GART: variants seen among roughly 807,000 people sequenced by gnomAD.
GART encodes phosphoribosylglycinamide formyltransferase, phosphoribosylglycinamide synthetase, phosphoribosylaminoimidazole synthetase, also known as trifunctional purine biosynthetic protein adenosine-3.
Under a neutral mutation model 107.2 loss-of-function variants are expected in GART, and 43 were observed. The ratio of observed to expected loss-of-function variants is 0.40; its 90% CI spans 0.31 to 0.52. The LOEUF (loss-of-function observed/expected upper bound fraction) is 0.52. GART is among the 20% of genes least tolerant of loss of function. GART has a pLI of 0.52. For synonymous variants in GART, 434 were observed against 427.0 expected, an observed-to-expected ratio of 1.02 and a Z score of -0.20; for missense variants, 1,107 against 1,206.5, an observed-to-expected ratio of 0.92 and a Z score of 1.22.
chr21:33,539,433 CTGTACCCCCAGCATT>C, intron 1 of GART, 77 bp from the exon 2 acceptor site: 1 of 1,111,534 alleles, frequency 9.0e-7, no homozygotes. Context: ...TGGCTCATGC[CTGTACCCCCAGCATT>C]TTGGGAGGCC....
upstream of GART, chr21:33,542,785 A>G (rs1226876883): frequency 2.3e-6 from 1 of 442,538 alleles, no homozygotes; most frequent in Admixed American, 3.6e-5. Context: ...GGGACTGACA[A>G]CTTATGCGGA....
At chr21:33,514,529 T>A (rs950158870) in intron 16 of GART, among the ~76,000 whole-genome samples, 5 of 152,188 alleles carry the variant, frequency 3.3e-5, no homozygotes, top group African/African-American at 1.2e-4. Flanking sequence ...AAACAGCCAT[T>A]TTTAAAGCAG....
chr21:33,516,976 T>G lies in GART; in HGVS notation c.2107+13A>C. Reference sequence around the variant, plus strand: ...GCAATTTTCTGAACAGAAGTTCGTTTTAGTGATCTTACCTAAATCTACCCC... The same window carrying G: ...GCAATTTTCTGAACAGAAGTTCGTTGTAGTGATCTTACCTAAATCTACCCC... On this transcript the variant is annotated intron_variant, in intron 16 of 21. Transcript: ENST00000381815. 1.9e-6 allele frequency: 3 copies of G among 1,583,076 alleles called. No individual in the cohort carries two copies. The highest frequency in any genetic ancestry group is 2.6e-6 in the Non-Finnish European group (3 of 1,170,720).
intron 20 of GART, among the ~76,000 whole-genome samples, chr21:33,505,183 T>C (rs2084657213): frequency 6.6e-6 from 1 of 152,188 alleles, no homozygotes; most frequent in African/African-American, 2.4e-5. Flanking sequence ...ACTCTTCATT[T>C]TGGGATATAC....
Position 33,515,789 on chromosome 21 carries a change from A to G in GART, c.2107+1200T>C, listed in dbSNP as rs527580787. ...TACCAGTATGTTTCTTCAAACAGAAATCTCTACCCACTGTCTCCACAACTC... is the reference window on the plus strand; with the variant it reads ...TACCAGTATGTTTCTTCAAACAGAAGTCTCTACCCACTGTCTCCACAACTC... On this transcript the variant is annotated intron_variant, in intron 16 of 21. Transcript: ENST00000381815. 3.3e-4 allele frequency among the ~76,000 whole-genome samples: 50 copies of G among 152,138 alleles called. No homozygotes were observed. The South Asian group carries it at 0.01, about 32-fold the overall frequency.
chr21:33,523,093 G>A (rs564247477), intron 11 of GART, among the ~76,000 whole-genome samples: 114 of 152,274 alleles, frequency 7.5e-4, no homozygotes, highest in African/African-American at 2.7e-3. Flanking sequence ...ACAAGTCGGA[G>A]CAGTACATTT....
chr21:33,524,410 G>T (rs1449798793), intron 11 of GART: 2 of 600,920 alleles, frequency 3.3e-6, no homozygotes. Flanking sequence ...AATTAGCCAG[G>T]TGTGGTGGCC....
intron 16 of GART, among the ~76,000 whole-genome samples, chr21:33,512,152 C>A (rs536150586): frequency 6.6e-6 from 1 of 151,580 alleles, no homozygotes; most frequent in Non-Finnish European, 1.5e-5. Context: ...GGCGTGGTGG[C>A]GCACACCTGT....
intron 4 of GART, among the ~76,000 whole-genome samples, chr21:33,533,219 C>A (rs549416303): frequency 3.9e-4 from 59 of 151,956 alleles, no homozygotes; most frequent in African/African-American, 1.4e-3. Flanking sequence ...GCGGGCGGAT[C>A]ACGAGGTCAG....
At chr21:33,511,050 T>G (rs1421831631) in intron 17 of GART, among the ~76,000 whole-genome samples, 1 of 152,136 alleles carries the variant, frequency 6.6e-6, no homozygotes, top group African/African-American at 2.4e-5. Flanking sequence ...TGTGCATGCA[T>G]GAATGCTTAG....
rs371293602 is a variant in GART, at chr21:33,530,852, G to C, written c.630C>G (p.Ala210=). The change falls in exon 7 of 22, where the codon GCC becomes GCG. Residue 210 remains alanine, a synonymous_variant. Coordinates refer to ENST00000381815, the MANE Select transcript of GART (RefSeq NM_000819.5). ...TATGGTCCTGTGCTGGGGGCATGGG[G>C]GCCACAGTCTTGCCATCAGTGAAAC... ...CLCFTDGKTV[A]PMPPAQDHKR... is the part of the protein sequence containing the mutation. 2 of 1,528,002 alleles carry C rather than the reference G, an allele frequency of 1.3e-6. No homozygotes were observed. Among genetic ancestry groups the C allele is most frequent in the Non-Finnish European group, 1.7e-6 (2 of 1,148,914 alleles). 94.7% of individuals were successfully genotyped at this position (1,528,002 alleles called of 1,614,324 possible). A position where few individuals can be genotyped will look rare whatever the true frequency, so the allele number is the denominator to read the frequency against.
intron 14 of GART, chr21:33,518,963 A>G (rs1164267672): frequency 2.5e-6 from 1 of 403,316 alleles, no homozygotes; most frequent in Non-Finnish European, 4.9e-6. Flanking sequence ...TCTGGTCTTC[A>G]TTTGTAAACA....
chr21:33,530,760 T>C lies in GART; in HGVS notation c.722A>G (p.Gln241Arg), dbSNP rs2085170588. ...GGMGAYCPAP[Q>R]VSNDLLLKIK... Reference sequence around the variant, plus strand: ...TTCAGCAGAGTCTTCGGGAAGTACCTGAGGGGCTGGACAATAGGCTCCCAT... The same window carrying C: ...TTCAGCAGAGTCTTCGGGAAGTACCCGAGGGGCTGGACAATAGGCTCCCAT... The change falls in exon 7 of 22, where the codon CAG becomes CGG. Residue 241 changes from glutamine (Q) to arginine (R), a missense_variant and splice_region_variant. By Grantham distance (43) the Gln-to-Arg change is conservative. Transcript: ENST00000381815. The C allele has an allele frequency of 6.8e-7, 1 of 1,468,004 alleles. No individual in the cohort carries two copies. Among genetic ancestry groups the C allele is most frequent in the Non-Finnish European group, 9.0e-7 (1 of 1,111,794 alleles). 90.9% of individuals were successfully genotyped at this position (1,468,004 alleles called of 1,614,324 possible).
At chr21:33,539,424 G>T (rs765749401) in intron 1 of GART, 68 bp from the exon 2 acceptor site, 22 of 1,227,884 alleles carry the variant, frequency 1.8e-5, no homozygotes, top group Non-Finnish European at 2.4e-5. Flanking sequence ...CGGGCACAGT[G>T]GCTCATGCCT....
intron 7 of GART, among the ~76,000 whole-genome samples, chr21:33,530,297 T>C (rs1421409854): frequency 1.3e-5 from 2 of 152,238 alleles, no homozygotes; most frequent in African/African-American, 2.4e-5. Flanking sequence ...TGGTTCTCAA[T>C]TCATATCACA....
Position 33,533,673 on chromosome 21 carries a change from G to C in GART, c.416+906C>G, listed in dbSNP as rs542176881. Reference sequence around the variant, plus strand: ...TAATCCCAGCACTTTGGGAGGCAGAGAGAGGCGGATCTCTTGAGCTTAAGA... The same window carrying C: ...TAATCCCAGCACTTTGGGAGGCAGACAGAGGCGGATCTCTTGAGCTTAAGA... On this transcript the variant is annotated intron_variant, in intron 4 of 21. Transcript: ENST00000381815. Among the ~76,000 whole-genome samples the C allele has an allele frequency of 5.9e-5, 9 of 152,270 alleles. No individual in the cohort carries two copies. The South Asian group carries it at 1.9e-3, about 32-fold the overall frequency.
Position 33,531,663 on chromosome 21 carries a change from G to T in GART, c.529-106C>A, listed in dbSNP as rs2085193629. On this transcript the variant is annotated intron_variant, in intron 5 of 21. Coordinates refer to ENST00000381815, the MANE Select transcript of GART (RefSeq NM_000819.5). ...TATCCAGCATTTGTATTATGAACCA[G>T]TGAGTACTGTAATTTTTCTTTCCCT... 10 of 952,712 alleles carry T rather than the reference G, an allele frequency of 1.0e-5. No homozygotes were observed. In the South Asian group the frequency reaches 1.4e-4, roughly 14 times the overall value. 59.0% of individuals were successfully genotyped at this position (952,712 alleles called of 1,614,324 possible). A position where few individuals can be genotyped will look rare whatever the true frequency, so the allele number is the denominator to read the frequency against.
At chr21:33,526,202 T>A (rs560808664) in intron 10 of GART, among the ~76,000 whole-genome samples, 2 of 151,448 alleles carry the variant, frequency 1.3e-5, no homozygotes, top group African/African-American at 4.9e-5. Flanking sequence ...AGAGTCTTGC[T>A]CTGTCACCTA....
At chr21:33,534,965 T>C (rs1373605547) in intron 3 of GART, among the ~76,000 whole-genome samples, 1 of 152,226 alleles carries the variant, frequency 6.6e-6, no homozygotes. Flanking sequence ...TATTTGCATA[T>C]ATGGATTATT....
Sources: gnomAD v4.1 joint callset for allele counts (sites outside exome capture counted in the v4.1 genomes callset) on GRCh38, gnomAD v4.1.1 for gene constraint, MANE v1.5 for transcripts, NCBI Gene and HGNC (gene_info 2026-07-23, HGNC 2026-07-21) for gene names.